The following DAB2IP variants were observed in gnomAD, a reference collection of about 807,000 sequenced individuals.
DAB2IP encodes DAB2 interacting protein.
In DAB2IP, 28 loss-of-function variants were observed where a neutral mutation model predicts 107.2. That is an observed-to-expected ratio of 0.26 (90% CI 0.19 to 0.36). The LOEUF is 0.36. Ranked by LOEUF, DAB2IP falls within the 10% of genes least tolerant of loss-of-function variation. DAB2IP has a pLI of 1.00. For synonymous variants in DAB2IP, 755 were observed against 706.4 expected, an observed-to-expected ratio of 1.07 and a Z score of -1.09; for missense variants, 1,400 against 1,644.7, an observed-to-expected ratio of 0.85 and a Z score of 2.57.
intron 3 of DAB2IP, among the ~76,000 whole-genome samples, chr9:121,717,301 A>G (rs2118802051): frequency 6.6e-6 from 1 of 152,346 alleles, no homozygotes; most frequent in Admixed American, 6.5e-5. Context: ...CAGGGCAGGT[A>G]CAGACAGGAT....
intron 3 of DAB2IP, among the ~76,000 whole-genome samples, chr9:121,732,910 G>A (rs1422323906): frequency 6.6e-6 from 1 of 152,230 alleles, no homozygotes; most frequent in Non-Finnish European, 1.5e-5. Context: ...CATAGCAGGT[G>A]CCAGGACACA....
intron 3 of DAB2IP, among the ~76,000 whole-genome samples, chr9:121,756,075 AGCAGGCCCAGCCTGTCCTCAC>A (rs1833455411): frequency 6.6e-6 from 1 of 152,148 alleles, no homozygotes; most frequent in Non-Finnish European, 1.5e-5. Context: ...AGATGGTCTT[AGCAGGCCCAGCCTGTCCTCAC>A]GCTTTTCCTC....
intron 14 of DAB2IP, among the ~76,000 whole-genome samples, chr9:121,780,763 A>G (rs1255577611): frequency 6.6e-6 from 1 of 152,110 alleles, no homozygotes; most frequent in African/African-American, 2.4e-5. Flanking sequence ...CCAGGCAGGG[A>G]GCAGCAGGAC....
chr9:121,730,785 CT>C (rs1831489276), intron 3 of DAB2IP, among the ~76,000 whole-genome samples: 1 of 152,182 alleles, frequency 6.6e-6, no homozygotes, highest in South Asian at 2.1e-4. Flanking sequence ...CCTTGCTCCT[CT>C]GATCCCACCT....
At chr9:121,646,994 T>G (rs1832561943), upstream of DAB2IP, among the ~76,000 whole-genome samples, 1 of 152,118 alleles carries the variant, frequency 6.6e-6, no homozygotes, top group African/African-American at 2.4e-5. Context: ...TGAGATGATG[T>G]GGGTAGAATG....
exon 11 of DAB2IP, chr9:121,770,645 C>G (rs757279749): frequency 1.2e-6 from 2 of 1,614,162 alleles, no homozygotes; most frequent in Admixed American, 1.7e-5. Flanking sequence ...GACCAATGAC[C>G]TGGCCTCCAC....
chr9:121,658,536 T>G (rs908081071), intron 1 of DAB2IP, among the ~76,000 whole-genome samples: 3 of 152,226 alleles, frequency 2.0e-5, no homozygotes, highest in African/African-American at 7.2e-5. Context: ...TTTCAGCGTT[T>G]GTTCAATATT....
intron 1 of DAB2IP, 55 bp from the exon 2 acceptor site, chr9:121,678,623 A>C: frequency 7.2e-7 from 1 of 1,389,330 alleles, no homozygotes. Flanking sequence ...AGGAGGCCCT[A>C]GCTGTGTGGC....
intron 1 of DAB2IP, among the ~76,000 whole-genome samples, chr9:121,588,007 C>G (rs971529662): frequency 2.0e-5 from 3 of 152,242 alleles, no homozygotes; most frequent in African/African-American, 7.2e-5. Context: ...CCCATGATGA[C>G]TTTCCCTTGT....
In DAB2IP at chr9:121,710,003, G is replaced by A. The variant is rs79822836; in HGVS notation, c.362+10545G>A. On this transcript the variant is annotated intron_variant, in intron 3 of 15. Coordinates refer to ENST00000408936, the Ensembl canonical transcript of DAB2IP. ...ACTCACTTCACCCTCACAGCAGCCC[G>A]TGAGATATATACTGTTGCAGTCCCT... Among the ~76,000 whole-genome samples, 1,401 of 152,278 alleles carry A rather than the reference G, an allele frequency of 9.2e-3. 24 individuals are homozygous for A. The highest frequency in any genetic ancestry group is 0.031 in the African/African-American group (1,281 of 41,550).
exon 11 of DAB2IP, chr9:121,770,554 A>G: frequency 6.2e-7 from 1 of 1,613,956 alleles, no homozygotes; most frequent in Non-Finnish European, 8.5e-7. Flanking sequence ...AGAGCATAGT[A>G]TCCAAACTGG....
intron 3 of DAB2IP, among the ~76,000 whole-genome samples, chr9:121,742,001 G>T (rs758391604): frequency 6.6e-6 from 1 of 151,976 alleles, no homozygotes; most frequent in Non-Finnish European, 1.5e-5. Flanking sequence ...TTACCATCAG[G>T]CTACACATTC....
chr9:121,742,866 C>T, intron 3 of DAB2IP: 1 of 985,476 alleles, frequency 1.0e-6, no homozygotes, highest in African/African-American at 1.7e-5. Context: ...ATAGACCCGA[C>T]CCCACAGGGT....
At chr9:121,604,807 G>A (rs1830810930) in intron 1 of DAB2IP, among the ~76,000 whole-genome samples, 1 of 152,192 alleles carries the variant, frequency 6.6e-6, no homozygotes, top group African/African-American at 2.4e-5. Context: ...CCTAGTGAAT[G>A]CTTGGAAAGC....
At chr9:121,714,485 T>C (rs892537447) in intron 3 of DAB2IP, among the ~76,000 whole-genome samples, 2 of 152,176 alleles carry the variant, frequency 1.3e-5, no homozygotes, top group African/African-American at 4.8e-5. Context: ...GCTGTGAGCC[T>C]CCCTTTTAGG....
At chr9:121,780,119 C>T (rs1197392293) in intron 14 of DAB2IP, among the ~76,000 whole-genome samples, 1 of 152,228 alleles carries the variant, frequency 6.6e-6, no homozygotes, top group Non-Finnish European at 1.5e-5. Context: ...CTCCTAGTCT[C>T]AAGTGATCCT....
intron 1 of DAB2IP, among the ~76,000 whole-genome samples, chr9:121,628,818 TG>T (rs375249972): frequency 7.1e-4 from 108 of 152,340 alleles, no homozygotes; most frequent in African/African-American, 2.6e-3. Flanking sequence ...CTGGACAGAC[TG>T]GGCTCAAACC....
intron 1 of DAB2IP, among the ~76,000 whole-genome samples, chr9:121,568,012 G>T (rs559287364): frequency 1.3e-5 from 2 of 152,180 alleles, no homozygotes; most frequent in African/African-American, 2.4e-5. Context: ...GCATGGGGGG[G>T]TGGGGCAGCA....
Position 121,635,635 on chromosome 9 carries a change from G to C in DAB2IP, c.41-43043G>C, listed in dbSNP as rs1832060373. On this transcript the variant is annotated intron_variant, in intron 1 of 16. Transcript: ENST00000259371. This position sits in a 1 kb window ranked among gnomAD's most constrained non-coding sequence, Gnocchi z 4.3. Reference sequence around the variant, plus strand: ...GGCAACCACAGGAAGGAGGGGCGCTGAGATGGGAGCGAGGCCTTGGACAAG... The same window carrying C: ...GGCAACCACAGGAAGGAGGGGCGCTCAGATGGGAGCGAGGCCTTGGACAAG... Among the ~76,000 whole-genome samples, 1 of 152,248 alleles carries C rather than the reference G, an allele frequency of 6.6e-6. No individual in the cohort carries two copies. The highest frequency in any genetic ancestry group is 2.1e-4 in the South Asian group (1 of 4,834).
Sources: gnomAD v4.1 joint callset for allele counts (sites outside exome capture counted in the v4.1 genomes callset) on GRCh38, gnomAD v4.1.1 for gene constraint, Gnocchi (gnomAD v3.1) non-coding constraint, MANE v1.5 for transcripts, NCBI Gene and HGNC (gene_info 2026-07-23, HGNC 2026-07-21) for gene names.